The following PCED1A variants were observed in gnomAD, a reference collection of about 807,000 sequenced individuals.
PCED1A encodes the protein PC-esterase domain-containing protein 1A.
PCED1A carries 20 observed loss-of-function variants against 41.9 expected under a neutral mutation model. The ratio of observed to expected loss-of-function variants is 0.48; its 90% CI spans 0.34 to 0.69. The LOEUF (loss-of-function observed/expected upper bound fraction) is 0.69, where lower values mean the gene tolerates loss of function less well. PCED1A is among the 30% of genes least tolerant of loss of function. The pLI is 0.01. For synonymous variants in PCED1A, 236 were observed against 241.3 expected, an observed-to-expected ratio of 0.98 and a Z score of 0.20; for missense variants, 498 against 602.1, an observed-to-expected ratio of 0.83 and a Z score of 1.81.
rs527740863 is a variant in PCED1A at position 2,836,039 on chromosome 20, C to T, written c.1117G>A (p.Gly373Arg). 14 of 1,480,782 alleles carry T rather than the reference C, an allele frequency of 9.5e-6. No homozygotes were observed. The highest frequency in any genetic ancestry group is 7.3e-5 in the Admixed American group (3 of 41,214). The allele number at this position is 1,480,782 out of a possible 1,614,324, so 91.7% of individuals were successfully genotyped here. ...VEDFSMPPHL[G>R]CGPGVNFVPG... ...GTGGGGGAGCTGCAGAAGCACCTACCTAAGTGGGGTGGCATCGAGAAGTCC... is the reference window on the plus strand; with the variant it reads ...GTGGGGGAGCTGCAGAAGCACCTACTTAAGTGGGGTGGCATCGAGAAGTCC... Residue 373 changes from glycine (G) to arginine (R), a missense_variant and splice_region_variant, in exon 7 of 8, where the codon GGA (glycine) becomes AGA (arginine). Transcript: ENST00000360652.
rs1328722160 is a variant in PCED1A, at chr20:2,839,223, G to A, written c.173C>T (p.Ser58Leu). Residue 58 changes from serine to leucine, a missense_variant, in exon 3 of 8, where the codon TCA becomes TTA. Transcript: ENST00000360652. ...KDLVLLLQKD[S>L]LLTAAQLKAK... is the part of the protein sequence containing the mutation. ...TTTCAGCTGGGCAGCTGTGAGCAGT[G>A]AGTCTTTCTGGAGCAAGAGCACCAG... 2 of 1,613,940 alleles carry A rather than the reference G, an allele frequency of 1.2e-6. No homozygotes were observed. The highest frequency in any genetic ancestry group is 1.7e-5 in the Admixed American group (1 of 60,012).
chr20:2,835,708 T>A lies in PCED1A; in HGVS notation c.1119A>T (p.Gly373=). The A allele has an allele frequency of 6.5e-7, 1 of 1,544,818 alleles. No homozygotes were observed. Among genetic ancestry groups the A allele is most frequent in the Non-Finnish European group, 8.8e-7 (1 of 1,141,446 alleles). Residue 373 remains glycine (G), a splice_region_variant and synonymous_variant, in exon 8 of 8, where the codon GGA becomes GGT. Coordinates refer to ENST00000360652, the MANE Select transcript of PCED1A (RefSeq NM_022760.6). The stretch of plus-strand genomic sequence containing the variant: ...GCACAAAGTTCACTCCAGGGCCACA[T>A]CCTACAAAAGAACCAGTCATTATAA... The part of the protein sequence containing the change: ...VEDFSMPPHL[G]CGPGVNFVPG...
At position 2,835,580 on chromosome 20, in the gene PCED1A, T is replaced by C. The variant is rs1347637397; in HGVS notation, c.1247A>G (p.Tyr416Cys). The change falls in exon 8 of 8, where the codon TAC (tyrosine) becomes TGC (cysteine). Residue 416 changes from tyrosine (Y) to cysteine (C), a missense_variant. This residue lies in a region of PCED1A where 245 missense variants were observed against 232.4 expected (regional missense o/e 1.05). Transcript: ENST00000360652. The part of the protein sequence containing the change: ...GMPRYVPNSP[Y>C]HVRRMGGPCR... ...GGGCCCCCCCATTCTCCGCACATGG[T>C]AGGGGCTGTTAGGAACATAGCGTGG... 1 of 1,614,100 alleles carries C rather than the reference T, an allele frequency of 6.2e-7. No individual in the cohort carries two copies. The highest frequency in any genetic ancestry group is 1.3e-5 in the African/African-American group (1 of 75,046).
chr20:2,837,353 C>A (rs2088851917), intron 6 of PCED1A, among the ~76,000 whole-genome samples: 1 of 152,210 alleles, frequency 6.6e-6, no homozygotes, highest in Admixed American at 6.5e-5. Flanking sequence ...GGCCTTCTAA[C>A]ATGACTCGTG....
chr20:2,841,128 A>T, upstream of PCED1A: 1 of 467,532 alleles, frequency 2.1e-6, no homozygotes, highest in Non-Finnish European at 3.8e-6. Flanking sequence ...GCGAGTGCCC[A>T]GTCTCCTGCC....
rs767301391 is a variant in PCED1A, at chr20:2,838,238, G to A, written c.835C>T (p.Pro279Ser). Residue 279 changes from proline (P) to serine (S), a missense_variant, in exon 6 of 8, where the codon CCC becomes TCC. Physicochemically the swap from Pro to Ser is moderately conservative, Grantham distance 74 (BLOSUM62 -1). Coordinates refer to ENST00000360652, the MANE Select transcript of PCED1A (RefSeq NM_022760.6). The surrounding 1 kb of genome is among the most constrained non-coding windows in gnomAD (Gnocchi z 5.8). ...WGVELPKRGY[P>S]PDPWIEDWAE... The stretch of plus-strand genomic sequence containing the variant: ...CACTTATGGTAGGGCTCACCAGGGG[G>A]ATAGCCACGCTTGGGCAGCTCCACG... 5 of 1,614,142 alleles carry A rather than the reference G, an allele frequency of 3.1e-6. No homozygotes were observed. Among genetic ancestry groups the A allele is most frequent in the Non-Finnish European group, 4.2e-6 (5 of 1,180,026 alleles).
chr20:2,840,731 G>C (rs776522651), upstream of PCED1A: 2 of 1,545,224 alleles, frequency 1.3e-6, no homozygotes, highest in South Asian at 2.4e-5. Context: ...CCCGCTCTAG[G>C]TGGGTGTCCC....
chr20:2,835,399 C>A lies in PCED1A; in HGVS notation c.*63G>T, dbSNP rs1340379121. On this transcript the variant is annotated 3_prime_UTR_variant, in exon 8 of 8. Transcript: ENST00000360652. ...GCATAGCAGACACCCTAGCCCAGTACCTGAGGTGCCAGGCAGGCCCTGAAG... is the reference window on the plus strand; with the variant it reads ...GCATAGCAGACACCCTAGCCCAGTAACTGAGGTGCCAGGCAGGCCCTGAAG... 3.0e-5 allele frequency: 47 copies of A among 1,545,030 alleles called. No homozygotes were observed. The highest frequency in any genetic ancestry group is 3.9e-5 in the Non-Finnish European group (44 of 1,140,754).
rs2088806888 is a variant in PCED1A, at chr20:2,835,503, C to A, written c.1324G>T (p.Asp442Tyr). The change falls in exon 8 of 8, where the codon GAC (aspartate) becomes TAC (tyrosine). Residue 442 changes from aspartate (D) to tyrosine (Y), a missense_variant. By Grantham distance (160) the Asp-to-Tyr change is radical. This residue lies in a region of PCED1A where 245 missense variants were observed against 232.4 expected (regional missense o/e 1.05). Coordinates refer to ENST00000360652, the MANE Select transcript of PCED1A (RefSeq NM_022760.6). Reference protein sequence around the residue: ...SERLIHTYKLDRRPPAHSGTW... With the variant: ...SERLIHTYKLYRRPPAHSGTW... Reference sequence around the variant, plus strand: ...CCCGAATGGGCAGGAGGCCGTCTGTCCAGTTTGTATGTGTGGATCAGTCTC... The same window carrying A: ...CCCGAATGGGCAGGAGGCCGTCTGTACAGTTTGTATGTGTGGATCAGTCTC... 2 of 1,613,982 alleles carry A rather than the reference C, an allele frequency of 1.2e-6. No homozygotes were observed. The highest frequency in any genetic ancestry group is 2.2e-5 in the East Asian group (1 of 44,872).
In PCED1A at chr20:2,839,936, G is replaced by A; in HGVS notation, c.-21-3C>T. The A allele has an allele frequency of 6.2e-7, 1 of 1,606,088 alleles. No individual in the cohort carries two copies. The highest frequency in any genetic ancestry group is 8.5e-7 in the Non-Finnish European group (1 of 1,177,676). ...ATGCCGCCACCAGCAACGACAGGCT[G>A]CAGGGAGAGGCCACTAAGCAGCGCG... is the stretch of plus-strand genomic sequence containing the variant. On this transcript the variant is annotated splice_polypyrimidine_tract_variant and splice_region_variant and intron_variant, in intron 1 of 7. Coordinates refer to ENST00000360652, the MANE Select transcript of PCED1A (RefSeq NM_022760.6).
chr20:2,835,518 G>A lies in PCED1A; in HGVS notation c.1309C>T (p.His437Tyr). 1 of 1,614,034 alleles carries A rather than the reference G, an allele frequency of 6.2e-7. No individual in the cohort carries two copies. The highest frequency in any genetic ancestry group is 8.5e-7 in the Non-Finnish European group (1 of 1,179,960). The change falls in exon 8 of 8, where the codon CAC becomes TAC. Residue 437 changes from histidine to tyrosine, a missense_variant. Transcript: ENST00000360652. ...GGCCGTCTGTCCAGTTTGTATGTGT[G>A]GATCAGTCTCTCTGAGTGTCTGAGC... ...QRLRHSERLI[H>Y]TYKLDRRPPA...
At chr20:2,837,760 GA>G (rs966396619) in intron 6 of PCED1A, among the ~76,000 whole-genome samples, 1 of 152,122 alleles carries the variant, frequency 6.6e-6, no homozygotes, top group African/African-American at 2.4e-5. Flanking sequence ...ACTGTCCATT[GA>G]GCCCAAGTCC....
In PCED1A at chr20:2,839,192, C is replaced by G; in HGVS notation, c.204G>C (p.Lys68Asn). The G allele has an allele frequency of 1.9e-6, 3 of 1,613,692 alleles. No individual in the cohort carries two copies. The highest frequency in any genetic ancestry group is 2.5e-6 in the Non-Finnish European group (3 of 1,179,946). ...GACATGGCCACCAAGCTTCCCTCAC[C>G]TTGGCTTTCAGCTGGGCAGCTGTGA... The part of the protein sequence containing the change: ...SLLTAAQLKA[K>N]GELSFEQDQL... The change falls in exon 3 of 8, where the codon AAG becomes AAC. Residue 68 changes from lysine to asparagine, a missense_variant and splice_region_variant. Lys to Asn is a moderately conservative substitution (Grantham distance 94). Transcript: ENST00000360652.
chr20:2,840,125 G>A (rs376827379), intron 1 of PCED1A, 86 bp downstream of exon 1: 22 of 506,704 alleles, frequency 4.3e-5, no homozygotes, highest in African/African-American at 3.4e-4. Context: ...CAGGGCACTG[G>A]GGAGCTTCCC....
intron 1 of PCED1A, 73 bp from the exon 2 acceptor site, chr20:2,840,006 G>T: frequency 6.9e-7 from 1 of 1,444,936 alleles, no homozygotes. Flanking sequence ...TAGCCCCTCC[G>T]GGGCTGCTCA....
At position 2,835,563 on chromosome 20, in the gene PCED1A, C is replaced by T; in HGVS notation, c.1264G>A (p.Gly422Arg). ...CTGAGCCGCTGCCTGCAGGGCCCCC[C>T]CATTCTCCGCACATGGTAGGGGCTG... is the stretch of plus-strand genomic sequence containing the variant. ...PNSPYHVRRMGGPCRQRLRHS... is the reference protein window; with the variant it reads ...PNSPYHVRRMRGPCRQRLRHS... Residue 422 changes from glycine to arginine, a missense_variant, in exon 8 of 8, where the codon GGG becomes AGG. By Grantham distance (125) the Gly-to-Arg change is moderately radical. Coordinates refer to ENST00000360652, the MANE Select transcript of PCED1A (RefSeq NM_022760.6). 1 of 1,614,184 alleles carries T rather than the reference C, an allele frequency of 6.2e-7. No individual in the cohort carries two copies. Among genetic ancestry groups the T allele is most frequent in the Non-Finnish European group, 8.5e-7 (1 of 1,180,026 alleles).
upstream of PCED1A, chr20:2,840,665 G>T (rs2088953429): frequency 8.1e-7 from 1 of 1,228,458 alleles, no homozygotes; most frequent in Non-Finnish European, 1.2e-6. Flanking sequence ...TGATGGCCGC[G>T]GCGGCGGCCT....
At chr20:2,837,642 C>T (rs758553903) in intron 6 of PCED1A, among the ~76,000 whole-genome samples, 8 of 152,062 alleles carry the variant, frequency 5.3e-5, no homozygotes, top group Non-Finnish European at 8.8e-5. Flanking sequence ...GGGAGTGGGG[C>T]CCTCAGAAGC....
In PCED1A at chr20:2,836,345, T is replaced by C. The variant is rs775174130; in HGVS notation, c.842-31A>G. The C allele has an allele frequency of 3.1e-6, 5 of 1,594,294 alleles. 1 individual carries two copies. In the South Asian group the frequency reaches 4.4e-5, roughly 14 times the overall value. ...AATGGGATGGTTGTTTTAGGTAGGC[T>C]TGGGAGCCAGGCTGCCCTGAACTCT... On this transcript the variant is annotated intron_variant, in intron 6 of 7. Coordinates refer to ENST00000360652, the MANE Select transcript of PCED1A (RefSeq NM_022760.6).
Sources: allele counts gnomAD v4.1 joint callset (sites outside exome capture counted in the v4.1 genomes callset), GRCh38; gene constraint gnomAD v4.1.1; regional missense constraint gnomAD v4.1.1; non-coding constraint Gnocchi (gnomAD v3.1); transcripts MANE v1.5; gene names NCBI Gene and HGNC (gene_info 2026-07-23, HGNC 2026-07-21).